Variants in CCSER1 observed in about 807,000 individuals in gnomAD.
CCSER1 encodes the protein serine-rich coiled-coil domain-containing protein 1.
A neutral mutation model predicts 82.0 loss-of-function variants in CCSER1; 41 were observed. That is an observed-to-expected ratio of 0.50 (90% CI 0.39 to 0.65). CCSER1 has a LOEUF of 0.65. Among genes scored for constraint, CCSER1 ranks in the 30% least tolerant of loss-of-function variants. CCSER1 has a pLI of 0.00. For missense variants in CCSER1, 1,119 were observed against 1,064.2 expected, an observed-to-expected ratio of 1.05 and a Z score of -0.72; for synonymous variants, 414 against 383.9, an observed-to-expected ratio of 1.08 and a Z score of -0.92.
At chr4:91,333,272 T>G (rs1354550902) in intron 10 of CCSER1, among the ~76,000 whole-genome samples, 2 of 152,076 alleles carry the variant, frequency 1.3e-5, no homozygotes, top group Non-Finnish European at 2.9e-5. Context: ...CAAAATGACT[T>G]GTTTATCATA....
intron 4 of CCSER1, among the ~76,000 whole-genome samples, chr4:90,409,857 C>A (rs1264004601): frequency 6.6e-6 from 1 of 152,108 alleles, no homozygotes; most frequent in African/African-American, 2.4e-5. Context: ...AGAGTTAAGA[C>A]CCATCTGTGT....
intron 9 of CCSER1, among the ~76,000 whole-genome samples, chr4:90,965,361 A>G (rs1245973225): frequency 2.0e-5 from 3 of 152,208 alleles, no homozygotes; most frequent in African/African-American, 7.2e-5. Flanking sequence ...GGCTGTGTGT[A>G]TGCCCAAGAA....
At chr4:90,377,215 G>T (rs1036464574) in intron 3 of CCSER1, among the ~76,000 whole-genome samples, 1 of 152,126 alleles carries the variant, frequency 6.6e-6, no homozygotes, top group Non-Finnish European at 1.5e-5. Context: ...TTCAGACACT[G>T]CACACACATT....
chr4:90,139,531 T>C lies in CCSER1; in HGVS notation c.-42+11700T>C, dbSNP rs549483433. ...TATTTTATTCTATTTTTTTCACGTA[T>C]TGCCAACAGTAATGTTCCAATTATG... On this transcript the variant is annotated intron_variant, in intron 1 of 10. Transcript: ENST00000509176. Among the ~76,000 whole-genome samples the C allele has an allele frequency of 2.0e-5, 3 of 152,326 alleles. No homozygotes were observed. The South Asian group carries it at 6.2e-4, about 32-fold the overall frequency.
chr4:90,704,446 T>C (rs1190566298), intron 6 of CCSER1, among the ~76,000 whole-genome samples: 1 of 152,210 alleles, frequency 6.6e-6, no homozygotes, highest in Non-Finnish European at 1.5e-5. Context: ...CTGACAATTA[T>C]GTGGCTTGAA....
chr4:90,781,690 A>G, intron 7 of CCSER1: 1 of 971,532 alleles, frequency 1.0e-6, no homozygotes, highest in Non-Finnish European at 1.2e-6. Flanking sequence ...GATATTAGGG[A>G]CAATAAAAAT....
intron 3 of CCSER1, among the ~76,000 whole-genome samples, chr4:90,351,834 T>C (rs1743499569): frequency 6.6e-6 from 1 of 152,212 alleles, no homozygotes; most frequent in South Asian, 2.1e-4. Context: ...ATAAAACTAC[T>C]TAGTCATAAT....
intron 9 of CCSER1, among the ~76,000 whole-genome samples, chr4:91,061,090 C>T (rs1743909963): frequency 6.6e-6 from 1 of 151,890 alleles, no homozygotes; most frequent in African/African-American, 2.4e-5. Context: ...TATTTTTATG[C>T]TCATACTCCT....
chr4:90,360,579 CAAAAA>C (rs61140876), intron 3 of CCSER1, among the ~76,000 whole-genome samples: 1,771 of 75,938 alleles, frequency 0.023, 20 homozygotes, highest in African/African-American at 0.059. Flanking sequence ...GACTCCGTCT[CAAAAA>C]AAAAAAAAAA....
chr4:90,904,562 G>A (rs921351369), intron 8 of CCSER1, among the ~76,000 whole-genome samples: 1 of 152,152 alleles, frequency 6.6e-6, no homozygotes, highest in African/African-American at 2.4e-5. Context: ...TCATGACAGT[G>A]TGATCATATT....
At chr4:90,707,534 A>ATATAT (rs1244281554) in intron 6 of CCSER1, among the ~76,000 whole-genome samples, 6 of 143,640 alleles carry the variant, frequency 4.2e-5, no homozygotes, top group African/African-American at 1.3e-4. Context: ...TACCTTAAAA[A>ATATAT]AAAAATATAT....
intron 8 of CCSER1, among the ~76,000 whole-genome samples, chr4:90,845,481 T>C (rs1204052847): frequency 6.6e-6 from 1 of 152,080 alleles, no homozygotes; most frequent in African/African-American, 2.4e-5. Flanking sequence ...CAATCCAAAA[T>C]TGACAATCAT....
At chr4:90,391,504 A>ATATATATATATATATATATATATAT (rs1751126399) in intron 3 of CCSER1, among the ~76,000 whole-genome samples, 1 of 79,422 alleles carries the variant, frequency 1.3e-5, no homozygotes, top group African/African-American at 4.9e-5. Context: ...ACAGTGGGTA[A>ATATATATATATATATATATATATAT]ATATATATAT....
intron 4 of CCSER1, among the ~76,000 whole-genome samples, chr4:90,415,742 T>C (rs149121501): frequency 6.6e-6 from 1 of 152,354 alleles, no homozygotes; most frequent in African/African-American, 2.4e-5. Flanking sequence ...TGTTTCTATT[T>C]CGGCTACTCA....
In CCSER1 at chr4:91,388,311, A is replaced by T. The variant is rs1381742563; in HGVS notation, c.2218-210261A>T. On this transcript the variant is annotated intron_variant, in intron 10 of 10. Coordinates refer to ENST00000509176, the MANE Select transcript of CCSER1 (RefSeq NM_001145065.2). ...TTATAAATAAGTCAATAGCTGTATA[A>T]ATATATACACACCAAAATGGGATAA... 4.6e-5 allele frequency among the ~76,000 whole-genome samples: 7 copies of T among 152,124 alleles called. No homozygotes were observed. The East Asian group carries it at 1.3e-3, about 29-fold the overall frequency.
intron 3 of CCSER1, among the ~76,000 whole-genome samples, chr4:90,316,060 G>A (rs1736112362): frequency 6.6e-6 from 1 of 152,164 alleles, no homozygotes; most frequent in African/African-American, 2.4e-5. Flanking sequence ...AATTATAATA[G>A]AAACATGTGT....
chr4:90,156,065 G>A lies in CCSER1; in HGVS notation c.-42+28234G>A, dbSNP rs375715748. Reference sequence around the variant, plus strand: ...TTGAATGTGTCCCAGAGATTCTGGTGTGTTGTGTCTTTGTTCTCATTGGTT... The same window carrying A: ...TTGAATGTGTCCCAGAGATTCTGGTATGTTGTGTCTTTGTTCTCATTGGTT... On this transcript the variant is annotated intron_variant, in intron 1 of 10. Transcript: ENST00000509176. Among the ~76,000 whole-genome samples the A allele has an allele frequency of 1.9e-4, 29 of 152,178 alleles. No individual in the cohort carries two copies. In the East Asian group the frequency reaches 4.6e-3, roughly 24 times the overall value.
chr4:90,595,668 T>A (rs954328923), intron 5 of CCSER1, among the ~76,000 whole-genome samples: 36 of 151,982 alleles, frequency 2.4e-4, no homozygotes, highest in African/African-American at 8.7e-4. Context: ...GCTTAAAATA[T>A]TATGTAGTGA....
chr4:90,302,926 CTGGAGA>C (rs1469071659), intron 1 of CCSER1, among the ~76,000 whole-genome samples: 1 of 152,108 alleles, frequency 6.6e-6, no homozygotes, highest in Non-Finnish European at 1.5e-5. Context: ...ACTAATGAAT[CTGGAGA>C]TGTAGACAGC....
Sources: allele counts gnomAD v4.1 joint callset (sites outside exome capture counted in the v4.1 genomes callset), GRCh38; gene constraint gnomAD v4.1.1; transcripts MANE v1.5; gene names NCBI Gene and HGNC (gene_info 2026-07-23, HGNC 2026-07-21).